Variants in NUP214 observed in about 807,000 individuals in gnomAD.
The protein encoded by NUP214 is nucleoporin 214, also known as nuclear pore complex protein Nup214.
A neutral mutation model predicts 196.2 loss-of-function variants in NUP214; 79 were observed. The ratio of observed to expected loss-of-function variants is 0.40; its 90% CI spans 0.34 to 0.49. NUP214 has a LOEUF of 0.49. NUP214 is among the 20% of genes least tolerant of loss of function. The pLI, the probability that NUP214 is intolerant of heterozygous loss-of-function variation, is 0.58. For missense variants in NUP214, 2,468 were observed against 2,539.0 expected (o/e 0.97, Z 0.60); for synonymous variants, 1,020 against 990.5 (o/e 1.03, Z -0.56).
chr9:131,222,728 G>T (rs752234242), intron 31 of NUP214, 50 bp from the exon 32 acceptor site: 10 of 1,578,964 alleles, frequency 6.3e-6, no homozygotes, highest in Non-Finnish European at 6.9e-6. Flanking sequence ...TGAGAAGCAG[G>T]TAAGGACATT....
chr9:131,201,766 C>A, intron 30 of NUP214, 49 bp downstream of exon 30: 2 of 1,460,224 alleles, frequency 1.4e-6, no homozygotes, highest in Admixed American at 1.7e-5. Flanking sequence ...CAAACCCATT[C>A]AGTTTTCTTC....
At chr9:131,144,163 T>C (rs1588129546) in intron 11 of NUP214, 117 bp from the exon 12 acceptor site, 1 of 830,770 alleles carries the variant, frequency 1.2e-6, no homozygotes, top group East Asian at 2.4e-5. Flanking sequence ...TTTTGCTTCT[T>C]AAACTAGTAA....
chr9:131,163,266 G>A (rs1832695496), intron 19 of NUP214, 93 bp downstream of exon 19: 1 of 1,261,166 alleles, frequency 7.9e-7, no homozygotes, highest in South Asian at 1.5e-5. Flanking sequence ...GTTTGCAAGT[G>A]ACTCTGTGTC....
intron 33 of NUP214, chr9:131,229,958 A>G: frequency 2.9e-6 from 1 of 350,034 alleles, no homozygotes; most frequent in South Asian, 2.1e-5. Context: ...TCCAGACCCC[A>G]GAAGCTCTCC....
chr9:131,156,788 ACTTTCT>A (rs1346787298), intron 17 of NUP214, among the ~76,000 whole-genome samples: 1 of 151,740 alleles, frequency 6.6e-6, no homozygotes, highest in African/African-American at 2.4e-5. Context: ...CGACAGTTTG[ACTTTCT>A]CTTTATCAGT....
intron 17 of NUP214, chr9:131,159,120 C>A: frequency 4.4e-6 from 2 of 452,226 alleles, no homozygotes; most frequent in Admixed American, 4.0e-5. Context: ...TGCTGTGTTG[C>A]CCAGGCTGAT....
Position 131,198,719 on chromosome 9 carries a change from T to C in NUP214, c.5225T>C (p.Val1742Ala). Reference protein sequence around the residue: ...FGQSASSAASVFSFSQPGFSS... With the variant: ...FGQSASSAASAFSFSQPGFSS... ...CAGTCGGCGAGCAGTGCTGCAAGTG[T>C]CTTTTCCTTCAGTCAGCCTGGGTTC... The change falls in exon 29 of 36, where the codon GTC (valine) becomes GCC (alanine). Residue 1742 changes from valine (V) to alanine (A), a missense_variant. By Grantham distance (64) the Val-to-Ala change is moderately conservative (BLOSUM62 0). Transcript: ENST00000359428. 5 of 1,614,196 alleles carry C rather than the reference T, an allele frequency of 3.1e-6. No individual in the cohort carries two copies. Among genetic ancestry groups the C allele is most frequent in the Non-Finnish European group, 4.2e-6 (5 of 1,180,034 alleles).
chr9:131,162,960 T>G, intron 18 of NUP214, 31 bp from the exon 19 acceptor site: 1 of 1,609,972 alleles, frequency 6.2e-7, no homozygotes, highest in Non-Finnish European at 8.5e-7. Context: ...GAACCATTCA[T>G]GTTTAATTCT....
chr9:131,197,746 A>G lies in NUP214; in HGVS notation c.4252A>G (p.Ser1418Gly). ...CGTTTTTGGCAGTCTGCCAGTCACC[A>G]GTGCAGGATCCTCTGGGGTCATCAG... is the stretch of plus-strand genomic sequence containing the variant. ...TAVFGSLPVT[S>G]AGSSGVISFG... The change falls in exon 29 of 36, where the codon AGT becomes GGT. Residue 1418 changes from serine (S) to glycine (G), a missense_variant. Ser to Gly is a moderately conservative substitution (Grantham distance 56, BLOSUM62 0). Transcript: ENST00000359428. The G allele has an allele frequency of 6.2e-7, 1 of 1,614,214 alleles. No individual in the cohort carries two copies. The highest frequency in any genetic ancestry group is 8.5e-7 in the Non-Finnish European group (1 of 1,180,036).
intron 10 of NUP214, 37 bp from the exon 11 acceptor site, chr9:131,140,512 C>G (rs2281902): frequency 0.25 from 387,586 of 1,578,626 alleles, 49,356 homozygotes; most frequent in East Asian, 0.42. Context: ...CCCTTAAATT[C>G]ACTTGGTTTT....
At chr9:131,216,769 C>T (rs1296503587) in intron 31 of NUP214, among the ~76,000 whole-genome samples, 2 of 152,012 alleles carry the variant, frequency 1.3e-5, no homozygotes, top group African/African-American at 2.4e-5. Context: ...TCAGGTGATC[C>T]GCCCACCTCA....
At chr9:131,169,521 T>G (rs879312607) in intron 21 of NUP214, among the ~76,000 whole-genome samples, 1 of 152,132 alleles carries the variant, frequency 6.6e-6, no homozygotes, top group Non-Finnish European at 1.5e-5. Context: ...TAAGTAACAT[T>G]TAAAATTTAG....
chr9:131,146,217 G>T lies in NUP214; in HGVS notation c.1858G>T (p.Ala620Ser), dbSNP rs1355577284. Reference sequence around the variant, plus strand: ...ATTCTCTTCTGCCTCCAAGCCAGCTGCTTCTGGACCACTCAGCCACCCCAC... The same window carrying T: ...ATTCTCTTCTGCCTCCAAGCCAGCTTCTTCTGGACCACTCAGCCACCCCAC... ...SPFSSASKPAASGPLSHPTPL... is the reference protein window; with the variant it reads ...SPFSSASKPASSGPLSHPTPL... The change falls in exon 13 of 36, where the codon GCT (alanine) becomes TCT (serine). Residue 620 changes from alanine (A) to serine (S), a missense_variant. Around this residue, in one of 5 missense-constraint regions of NUP214, gnomAD observed 1,801 missense variants for 1,779.4 expected, o/e 1.01. Coordinates refer to ENST00000359428, the MANE Select transcript of NUP214 (RefSeq NM_005085.4). The surrounding 1 kb of genome is among the most constrained non-coding windows in gnomAD (Gnocchi z 4.6). 4 of 1,614,120 alleles carry T rather than the reference G, an allele frequency of 2.5e-6. No homozygotes were observed. Among genetic ancestry groups the T allele is most frequent in the Non-Finnish European group, 3.4e-6 (4 of 1,180,024 alleles).
Position 131,130,792 on chromosome 9 carries a change from C to A in NUP214, c.619C>A (p.Leu207Met). The part of the protein sequence containing the change: ...SVCWSPKGKQ[L>M]AVGKQNGTVV... ...GTGCTGGAGCCCCAAAGGAAAGCAGCTGGCAGTGGGAAAACAGAATGGAAC... is the reference window on the plus strand; with the variant it reads ...GTGCTGGAGCCCCAAAGGAAAGCAGATGGCAGTGGGAAAACAGAATGGAAC... The change falls in exon 5 of 36, where the codon CTG becomes ATG. Residue 207 changes from leucine (L) to methionine (M), a missense_variant. Transcript: ENST00000359428. 6.2e-7 allele frequency: 1 copy of A among 1,614,144 alleles called. No homozygotes were observed. The highest frequency in any genetic ancestry group is 8.5e-7 in the Non-Finnish European group (1 of 1,179,994).
intron 27 of NUP214, chr9:131,194,084 T>C (rs767333617): frequency 1.3e-5 from 2 of 151,804 alleles, no homozygotes; most frequent in Non-Finnish European, 2.9e-5. Flanking sequence ...CAAAGGTGTC[T>C]AAGTTATTAC....
chr9:131,198,319 G>T lies in NUP214; in HGVS notation c.4825G>T (p.Val1609Phe), dbSNP rs902919600. 24 of 1,614,192 alleles carry T rather than the reference G, an allele frequency of 1.5e-5. No homozygotes were observed. Among genetic ancestry groups the T allele is most frequent in the African/African-American group, 2.7e-5 (2 of 75,044 alleles). Residue 1609 changes from valine (V) to phenylalanine (F), a missense_variant, in exon 29 of 36, where the codon GTC (valine) becomes TTC (phenylalanine). Coordinates refer to ENST00000359428, the MANE Select transcript of NUP214 (RefSeq NM_005085.4). ...AAISSAGPVA[V>F]ETSSTPIASS... ...TATCTCAAGTGCAGGCCCTGTGGCC[G>T]TCGAAACATCAAGTACCCCCATAGC...
chr9:131,178,257 T>A, intron 23 of NUP214, 54 bp from the exon 24 acceptor site: 1 of 1,438,526 alleles, frequency 7.0e-7, no homozygotes, highest in South Asian at 1.2e-5. Context: ...TGGCTAGAAC[T>A]TTTTATCCTT....
intron 17 of NUP214, among the ~76,000 whole-genome samples, chr9:131,154,860 C>T (rs746823772): frequency 3.9e-5 from 6 of 152,124 alleles, no homozygotes; most frequent in Non-Finnish European, 5.9e-5. Flanking sequence ...CGCACGCTCG[C>T]GTGTGTGTCA....
intron 14 of NUP214, 83 bp from the exon 15 acceptor site, chr9:131,150,241 C>A: frequency 1.8e-6 from 2 of 1,088,590 alleles, no homozygotes; most frequent in Non-Finnish European, 2.8e-6. Context: ...GTTACAGGAG[C>A]GCCACTCCCT....
Sources: gnomAD v4.1 joint callset for allele counts (sites outside exome capture counted in the v4.1 genomes callset) on GRCh38, gnomAD v4.1.1 for gene constraint, gnomAD v4.1.1 regional missense constraint, Gnocchi (gnomAD v3.1) non-coding constraint, MANE v1.5 for transcripts, NCBI Gene and HGNC (gene_info 2026-07-23, HGNC 2026-07-21) for gene names.